The following TTLL11 variants were observed in gnomAD, a reference collection of about 807,000 sequenced individuals.
TTLL11 encodes tubulin polyglutamylase TTLL11.
A neutral mutation model predicts 51.7 loss-of-function variants in TTLL11; 42 were observed. That is an observed-to-expected ratio of 0.81 (90% CI 0.64 to 1.05). The LOEUF is 1.05. Ranked by LOEUF, TTLL11 falls within the 50% of genes least tolerant of loss-of-function variation. TTLL11 has a pLI of 0.00. For missense variants in TTLL11, 799 were observed against 940.4 expected (o/e 0.85, Z 1.97); for synonymous variants, 381 against 383.5 (o/e 0.99, Z 0.08).
intron 3 of TTLL11, among the ~76,000 whole-genome samples, chr9:122,014,313 C>A (rs1204630574): frequency 6.6e-6 from 1 of 151,578 alleles, no homozygotes; most frequent in Non-Finnish European, 1.5e-5. Flanking sequence ...TGCAGTGAGC[C>A]GAGATCGTAC....
At chr9:122,074,074 AC>A (rs2131900072) in intron 1 of TTLL11, among the ~76,000 whole-genome samples, 1 of 152,008 alleles carries the variant, frequency 6.6e-6, no homozygotes, top group East Asian at 1.9e-4. Flanking sequence ...GGAGTTTGAG[AC>A]CAGCTTGGCC....
At chr9:121,963,828 C>T (rs1344343760) in intron 6 of TTLL11, 1 of 152,200 alleles carries the variant, frequency 6.6e-6, no homozygotes, top group Non-Finnish European at 1.5e-5. Context: ...ATGCACTTAT[C>T]ATTAGTCATC....
At chr9:122,091,675 T>C (rs987518550) in intron 1 of TTLL11, among the ~76,000 whole-genome samples, 2 of 152,240 alleles carry the variant, frequency 1.3e-5, no homozygotes, top group Non-Finnish European at 2.9e-5. Context: ...ACCTGAGTCC[T>C]CTGTTACCCG....
intron 3 of TTLL11, among the ~76,000 whole-genome samples, chr9:122,026,773 A>C (rs1215978660): frequency 1.3e-5 from 2 of 152,180 alleles, no homozygotes; most frequent in African/African-American, 4.8e-5. Context: ...CTAAGTGATC[A>C]AAGTTAACAT....
At chr9:121,949,052 T>A (rs977369725) in intron 6 of TTLL11, among the ~76,000 whole-genome samples, 4 of 152,222 alleles carry the variant, frequency 2.6e-5, no homozygotes, top group Admixed American at 6.5e-5. Context: ...AATGTTTGTG[T>A]CACCATTGCA....
intron 6 of TTLL11, among the ~76,000 whole-genome samples, chr9:121,904,472 G>GC (rs2131483452): frequency 6.6e-6 from 1 of 152,342 alleles, no homozygotes; most frequent in South Asian, 2.1e-4. Context: ...ACCACGCCCA[G>GC]CCCAATACAT....
chr9:121,946,868 T>C (rs1841688647), intron 6 of TTLL11, among the ~76,000 whole-genome samples: 1 of 152,166 alleles, frequency 6.6e-6, no homozygotes, highest in Non-Finnish European at 1.5e-5. Context: ...AACCACTGTT[T>C]CTGGGATTTT....
Position 122,025,115 on chromosome 9 carries a change from A to G in TTLL11, c.693+6608T>C, listed in dbSNP as rs150509432. ...TCATAAACACCTGTATTCAAAATATATAAAAATTCTCAAAGCTCAATAATA... is the reference window on the plus strand; with the variant it reads ...TCATAAACACCTGTATTCAAAATATGTAAAAATTCTCAAAGCTCAATAATA... On this transcript the variant is annotated intron_variant, in intron 3 of 8. Coordinates refer to ENST00000321582, the MANE Select transcript of TTLL11 (RefSeq NM_001139442.2). Among the ~76,000 whole-genome samples, 646 of 152,262 alleles carry G rather than the reference A, an allele frequency of 4.2e-3. 7 individuals are homozygous for G. The highest frequency in any genetic ancestry group is 0.015 in the African/African-American group (623 of 41,550).
intron 3 of TTLL11, among the ~76,000 whole-genome samples, chr9:122,017,090 G>A (rs753078576): frequency 6.6e-5 from 10 of 152,172 alleles, no homozygotes; most frequent in Non-Finnish European, 1.3e-4. Context: ...CCTAATTAAT[G>A]TAAGAAATAA....
In TTLL11 at chr9:121,822,582, G is replaced by A. The variant is rs983847300; in HGVS notation, c.*5C>T. On this transcript the variant is annotated 3_prime_UTR_variant, in exon 9 of 9. Transcript: ENST00000321582. The surrounding 1 kb of genome is among the most constrained non-coding windows in gnomAD (Gnocchi z 5.8). ...CTTCCGTTTTCCAGGAGGACAGAGT[G>A]GCCCTCAGGACAGGGTATGTCTGGG... The A allele has an allele frequency of 3.1e-5, 44 of 1,437,902 alleles. No homozygotes were observed. The highest frequency in any genetic ancestry group is 2.1e-4 in the East Asian group (8 of 38,350). 89.1% of individuals were successfully genotyped at this position (1,437,902 alleles called of 1,614,324 possible). A position where few individuals can be genotyped will look rare whatever the true frequency, so the allele number is the denominator to read the frequency against.
chr9:121,899,393 A>ATATATATATATATATATATG (rs1564295478), intron 6 of TTLL11, among the ~76,000 whole-genome samples: 9 of 127,898 alleles, frequency 7.0e-5, no homozygotes, highest in Admixed American at 6.0e-4. Context: ...ATATATATAT[A>ATATATATATATATATATATG]TATATATATA....
chr9:121,846,045 G>A (rs1265275589), intron 8 of TTLL11, among the ~76,000 whole-genome samples: 1 of 142,348 alleles, frequency 7.0e-6, no homozygotes, highest in Non-Finnish European at 1.5e-5. Context: ...CACTTTAAAT[G>A]TAAAAACAAC....
At chr9:121,922,736 A>C (rs936417847) in intron 6 of TTLL11, among the ~76,000 whole-genome samples, 2 of 148,916 alleles carry the variant, frequency 1.3e-5, no homozygotes, top group African/African-American at 4.9e-5. Context: ...CTTTTATTTT[A>C]GCGCAAAGGG....
intron 8 of TTLL11, among the ~76,000 whole-genome samples, chr9:121,827,596 G>A (rs571404992): frequency 3.3e-5 from 5 of 152,236 alleles, no homozygotes; most frequent in Non-Finnish European, 7.3e-5. Context: ...GCGTGCCAGT[G>A]AGTGTGGGGG....
chr9:122,049,350 C>T (rs143457288), intron 1 of TTLL11, among the ~76,000 whole-genome samples: 1 of 152,244 alleles, frequency 6.6e-6, no homozygotes, highest in East Asian at 1.9e-4. Flanking sequence ...AATGAGGGTA[C>T]CAAGTGCTAG....
At chr9:121,833,768 A>G (rs974723495) in intron 8 of TTLL11, among the ~76,000 whole-genome samples, 1 of 152,228 alleles carries the variant, frequency 6.6e-6, no homozygotes, top group African/African-American at 2.4e-5. Flanking sequence ...TACAGAGCAC[A>G]TTTGAATATA....
rs185368843 is a variant in TTLL11, at chr9:121,935,955, C to A, written c.1481+38054G>T. On this transcript the variant is annotated intron_variant, in intron 6 of 8. Coordinates refer to ENST00000321582, the MANE Select transcript of TTLL11 (RefSeq NM_001139442.2). The stretch of plus-strand genomic sequence containing the variant: ...CCAGGTACCCGGACCCTCTCCTGGC[C>A]GCTTCTGGGAAAAGCAGCCTTAGGT... Among the ~76,000 whole-genome samples, 21 of 152,312 alleles carry A rather than the reference C, an allele frequency of 1.4e-4. 1 individual carries two copies. The East Asian group carries it at 4.1e-3, about 29-fold the overall frequency.
In TTLL11 at chr9:121,897,618, G is replaced by GCACACA. The variant is rs745877337; in HGVS notation, c.1482-26876_1482-26871dup. 4.7e-3 allele frequency among the ~76,000 whole-genome samples: 646 copies of GCACACA among 137,002 alleles called. 9 individuals carry two copies. The highest frequency in any genetic ancestry group is 0.016 in the African/African-American group (602 of 36,634). The allele number at this position is 137,002 out of a possible 152,430, so 89.9% of individuals were successfully genotyped here. A position where few individuals can be genotyped will look rare whatever the true frequency, so the allele number is the denominator to read the frequency against. On this transcript the variant is annotated intron_variant, in intron 6 of 8. Transcript: ENST00000321582. ...CACCTTCCCAGGCATTTCCCTCCAG[G>GCACACA]CACACACACACACACACACACACGC...
intron 8 of TTLL11, among the ~76,000 whole-genome samples, chr9:121,826,145 C>A (rs1203605943): frequency 1.5e-5 from 1 of 68,070 alleles, no homozygotes; most frequent in Non-Finnish European, 2.6e-5. Flanking sequence ...TACTTTTTAT[C>A]AAAGTAGAAT....
Sources: gnomAD v4.1 joint callset for allele counts (sites outside exome capture counted in the v4.1 genomes callset) on GRCh38, gnomAD v4.1.1 for gene constraint, Gnocchi (gnomAD v3.1) non-coding constraint, MANE v1.5 for transcripts, NCBI Gene and HGNC (gene_info 2026-07-23, HGNC 2026-07-21) for gene names.